The following MAP3K20 variants were observed in gnomAD, a reference collection of about 807,000 sequenced individuals.
MAP3K20 encodes the protein mitogen-activated protein kinase kinase kinase 20.
MAP3K20 carries 40 observed loss-of-function variants against 85.7 expected under a neutral mutation model. The observed-to-expected ratio is 0.47, with a 90% confidence interval of 0.36 to 0.61. The LOEUF (loss-of-function observed/expected upper bound fraction) is 0.61, where lower values mean the gene tolerates loss of function less well. Ranked by LOEUF, MAP3K20 falls within the 20% of genes least tolerant of loss-of-function variation. The probability of loss-of-function intolerance (pLI) is 0.00; values close to 1 mark genes in which losing one functional copy is unlikely to be tolerated. For synonymous variants in MAP3K20, 325 were observed against 327.7 expected (o/e 0.99, Z 0.09); for missense variants, 817 against 961.7 (o/e 0.85, Z 1.99).
intron 2 of MAP3K20, among the ~76,000 whole-genome samples, chr2:173,141,133 G>A (rs950101971): frequency 1.3e-5 from 2 of 152,082 alleles, no homozygotes; most frequent in African/African-American, 4.8e-5. Context: ...TACACGTAGA[G>A]CTACCACATT....
At chr2:173,087,962 A>T (rs935212130) in intron 1 of MAP3K20, among the ~76,000 whole-genome samples, 2 of 152,232 alleles carry the variant, frequency 1.3e-5, no homozygotes, top group African/African-American at 4.8e-5. Context: ...GGTAGCCAAC[A>T]GGAGTCCCAG....
chr2:173,142,232 G>A (rs1256072194), intron 2 of MAP3K20, among the ~76,000 whole-genome samples: 1 of 152,162 alleles, frequency 6.6e-6, no homozygotes, highest in African/African-American at 2.4e-5. Flanking sequence ...CAGCACTTTG[G>A]GAGGCCGAGG....
Position 173,266,355 on chromosome 2 carries a change from A to T in MAP3K20, c.2008A>T (p.Arg670Trp), listed in dbSNP as rs752940215. 1 of 1,614,090 alleles carries T rather than the reference A, an allele frequency of 6.2e-7. No individual in the cohort carries two copies. The highest frequency in any genetic ancestry group is 1.7e-5 in the Admixed American group (1 of 60,008). ...TGGCAATACTGACACCTCTTCAGAG[A>T]GGGGTCGATACTCAGACAGAAGCAG... ...SSGNTDTSSE[R>W]GRYSDRSRNK... The change falls in exon 20 of 20, where the codon AGG becomes TGG. Residue 670 changes from arginine (R) to tryptophan (W), a missense_variant. This residue lies in a region of MAP3K20 where 454 missense variants were observed against 476.9 expected (regional missense o/e 0.95). Coordinates refer to ENST00000375213, the MANE Select transcript of MAP3K20 (RefSeq NM_016653.3).
intron 2 of MAP3K20, among the ~76,000 whole-genome samples, chr2:173,150,087 A>G (rs1226869988): frequency 6.6e-6 from 1 of 152,240 alleles, no homozygotes; most frequent in African/African-American, 2.4e-5. Context: ...TAGAAACACA[A>G]GAATTGCCCC....
At chr2:173,217,301 C>T (rs772805628) in intron 11 of MAP3K20, 51 bp downstream of exon 11, 2 of 1,430,428 alleles carry the variant, frequency 1.4e-6, no homozygotes, top group South Asian at 1.8e-5. Context: ...CTAGGCTGCG[C>T]AGCTGAGCAT....
intron 2 of MAP3K20, among the ~76,000 whole-genome samples, chr2:173,119,606 G>A (rs1008687217): frequency 2.0e-5 from 3 of 152,190 alleles, no homozygotes; most frequent in East Asian, 1.9e-4. Context: ...CACAAAACAC[G>A]ATGGATTTGG....
intron 11 of MAP3K20, chr2:173,223,838 C>T (rs1173543922): frequency 2.0e-6 from 2 of 985,318 alleles, no homozygotes; most frequent in African/African-American, 3.5e-5. Context: ...TCAATGCACC[C>T]AAGAAGAAAA....
At chr2:173,199,325 G>A (rs1690957548) in intron 8 of MAP3K20, among the ~76,000 whole-genome samples, 1 of 152,180 alleles carries the variant, frequency 6.6e-6, no homozygotes, top group African/African-American at 2.4e-5. Flanking sequence ...AAACTGATGG[G>A]AAAGAGCTGC....
intron 2 of MAP3K20, 113 bp downstream of exon 2, chr2:173,091,303 T>G: frequency 9.4e-7 from 1 of 1,065,292 alleles, no homozygotes. Flanking sequence ...CCTTTGGGAC[T>G]GATCCACGAG....
intron 3 of MAP3K20, among the ~76,000 whole-genome samples, chr2:173,176,611 C>A (rs1250660647): frequency 6.6e-6 from 1 of 151,886 alleles, no homozygotes; most frequent in African/African-American, 2.4e-5. Context: ...TTTTTTATTG[C>A]AAAAGAGGAC....
Position 173,159,402 on chromosome 2 carries a change from C to T in MAP3K20, c.160-10403C>T, listed in dbSNP as rs553861928. On this transcript the variant is annotated intron_variant, in intron 2 of 19. Coordinates refer to ENST00000375213, the MANE Select transcript of MAP3K20 (RefSeq NM_016653.3). ...TTTTCTTTTCTTTCCTTCCTTCCTT[C>T]TTTTTTTTTTTTCCTGGATCTTTGT... is the stretch of plus-strand genomic sequence containing the variant. 3.9e-4 allele frequency among the ~76,000 whole-genome samples: 48 copies of T among 123,264 alleles called. 1 individual carries two copies. In the East Asian group the frequency reaches 4.2e-3, roughly 11 times the overall value. The allele number at this position is 123,264 out of a possible 152,430, so 80.9% of individuals were successfully genotyped here. A position where few individuals can be genotyped will look rare whatever the true frequency, so the allele number is the denominator to read the frequency against.
intron 16 of MAP3K20, among the ~76,000 whole-genome samples, chr2:173,243,644 A>G (rs13009288): frequency 0.39 from 59,292 of 152,072 alleles, 14,394 homozygotes; most frequent in Non-Finnish European, 0.56. Context: ...TTGAGACGGA[A>G]TCTCGCTCTT....
At chr2:173,183,441 T>C (rs1212838672) in intron 4 of MAP3K20, among the ~76,000 whole-genome samples, 3 of 152,196 alleles carry the variant, frequency 2.0e-5, no homozygotes, top group African/African-American at 7.2e-5. Flanking sequence ...ATTCAGATTT[T>C]ATTTTACATT....
chr2:173,152,870 A>G (rs563807914), intron 2 of MAP3K20, among the ~76,000 whole-genome samples: 1 of 152,108 alleles, frequency 6.6e-6, no homozygotes, highest in Admixed American at 6.5e-5. Context: ...GTGAAGGCAC[A>G]CTCTAGGGAA....
intron 2 of MAP3K20, among the ~76,000 whole-genome samples, chr2:173,158,868 A>G (rs571222007): frequency 3.2e-4 from 49 of 152,238 alleles, no homozygotes; most frequent in Non-Finnish European, 6.5e-4. Context: ...AATGAAGCCT[A>G]TGTGACTCCA....
chr2:173,219,025 CT>C (rs1263365482), intron 11 of MAP3K20, among the ~76,000 whole-genome samples: 5 of 152,104 alleles, frequency 3.3e-5, no homozygotes, highest in Non-Finnish European at 7.4e-5. Flanking sequence ...GATAAGTTTT[CT>C]TTCTTTACAG....
intron 11 of MAP3K20, chr2:173,221,273 A>G: frequency 6.2e-7 from 1 of 1,614,092 alleles, no homozygotes; most frequent in Non-Finnish European, 8.5e-7. Flanking sequence ...GGGCCATGGC[A>G]TGAACCCAAG....
chr2:173,182,499 A>T (rs1330515739), intron 3 of MAP3K20, among the ~76,000 whole-genome samples: 1 of 152,232 alleles, frequency 6.6e-6, no homozygotes, highest in Non-Finnish European at 1.5e-5. Context: ...TGTCTGATTT[A>T]TGCATTTAAT....
chr2:173,229,893 C>T (rs1296440158), intron 12 of MAP3K20, among the ~76,000 whole-genome samples, 160 bp downstream of exon 12: 4 of 152,078 alleles, frequency 2.6e-5, no homozygotes, highest in Non-Finnish European at 4.4e-5. Context: ...TGCAGTGGTG[C>T]GATCTCAGCT....
Sources: allele counts gnomAD v4.1 joint callset (sites outside exome capture counted in the v4.1 genomes callset), GRCh38; gene constraint gnomAD v4.1.1; regional missense constraint gnomAD v4.1.1; transcripts MANE v1.5; gene names NCBI Gene and HGNC (gene_info 2026-07-23, HGNC 2026-07-21).